Variants in PRKCH observed in about 807,000 individuals in gnomAD.
PRKCH encodes protein kinase C eta type.
Under a neutral mutation model 82.5 loss-of-function variants are expected in PRKCH, and 28 were observed. That is an observed-to-expected ratio of 0.34 (90% CI 0.25 to 0.47). The LOEUF (loss-of-function observed/expected upper bound fraction) is 0.47, where lower values mean the gene tolerates loss of function less well. PRKCH is among the 20% of genes least tolerant of loss of function. The pLI, the probability that PRKCH is intolerant of heterozygous loss-of-function variation, is 1.00. For missense variants in PRKCH, 705 were observed against 881.8 expected (o/e 0.80, Z 2.54); for synonymous variants, 322 against 327.4 (o/e 0.98, Z 0.18).
In PRKCH at chr14:61,280,089, G is replaced by A. The variant is rs2045242548; in HGVS notation, c.-19+92421G>A. The A allele has an allele frequency of 1.9e-6, 3 of 1,603,978 alleles. No individual in the cohort carries two copies. Among genetic ancestry groups the A allele is most frequent in the Non-Finnish European group, 2.6e-6 (3 of 1,174,968 alleles). The stretch of plus-strand genomic sequence containing the variant: ...AGCAGGAGGGATCCCTGGAAAGCCG[G>A]AATCACTCCTCGTCGTCGTCGTCCT... On this transcript the variant is annotated intron_variant, in intron 1 of 3. Transcript: ENST00000555185. The surrounding 1 kb of genome is among the most constrained non-coding windows in gnomAD (Gnocchi z 5.0).
At chr14:61,409,341 C>T (rs1882136511) in intron 2 of PRKCH, among the ~76,000 whole-genome samples, 1 of 152,152 alleles carries the variant, frequency 6.6e-6, no homozygotes, top group South Asian at 2.1e-4. Context: ...AACTCATCCC[C>T]TACTCTGGCC....
chr14:61,188,453 C>G (rs2044380818), intron 1 of PRKCH, among the ~76,000 whole-genome samples: 1 of 148,690 alleles, frequency 6.7e-6, no homozygotes, highest in Non-Finnish European at 1.5e-5. Context: ...GGTCGGGCTC[C>G]CAGGCAGCGG....
Position 61,530,392 on chromosome 14 carries a change from G to GA in PRKCH, c.1573-15_1573-14insA, listed in dbSNP as rs1399651708. The GA allele has an allele frequency of 6.6e-7, 1 of 1,513,664 alleles. No individual in the cohort carries two copies. The highest frequency in any genetic ancestry group is 8.9e-7 in the Non-Finnish European group (1 of 1,123,332). The allele number at this position is 1,513,664 out of a possible 1,614,324, so 93.8% of individuals were successfully genotyped here. On this transcript the variant is annotated splice_polypyrimidine_tract_variant and intron_variant, in intron 11 of 13. Coordinates refer to ENST00000332981, the MANE Select transcript of PRKCH (RefSeq NM_006255.5). The stretch of plus-strand genomic sequence containing the variant: ...GATGTATGAACCACCTTCTCACGCT[G>GA]CCCCCTTTGCACAGATCCTCCAGGA...
At chr14:61,324,246 C>T (rs1288196908) in intron 1 of PRKCH, among the ~76,000 whole-genome samples, 1 of 152,206 alleles carries the variant, frequency 6.6e-6, no homozygotes, top group African/African-American at 2.4e-5. Context: ...ATGTACAGAG[C>T]TGCTTATTGT....
chr14:61,505,564 G>A (rs956682669), intron 10 of PRKCH, among the ~76,000 whole-genome samples: 5 of 151,618 alleles, frequency 3.3e-5, no homozygotes, highest in African/African-American at 9.7e-5. Flanking sequence ...TAGTAGAGAT[G>A]GGGTTTCTGC....
intron 1 of PRKCH, among the ~76,000 whole-genome samples, chr14:61,308,047 C>A (rs926393993): frequency 6.6e-6 from 1 of 152,110 alleles, no homozygotes; most frequent in Non-Finnish European, 1.5e-5. Context: ...ACTATGTTGC[C>A]CAGGCTTGTC....
intron 1 of PRKCH, among the ~76,000 whole-genome samples, chr14:61,307,762 G>T (rs1307496569): frequency 6.6e-5 from 10 of 152,126 alleles, no homozygotes; most frequent in Non-Finnish European, 1.5e-4. Flanking sequence ...CCATATTTCT[G>T]TGTGATTATA....
At chr14:61,516,046 A>G (rs540107193) in intron 10 of PRKCH, among the ~76,000 whole-genome samples, 1 of 152,326 alleles carries the variant, frequency 6.6e-6, no homozygotes, top group African/African-American at 2.4e-5. Flanking sequence ...TAGTAAAACT[A>G]AAACTAAACT....
rs528663549 is a variant in PRKCH, at chr14:61,471,935, A to G, written c.1279-13567A>G. Among the ~76,000 whole-genome samples the G allele has an allele frequency of 6.2e-4, 94 of 152,336 alleles. 1 individual carries two copies. Among genetic ancestry groups the G allele is most frequent in the African/African-American group, 2.1e-3 (89 of 41,582 alleles). The stretch of plus-strand genomic sequence containing the variant: ...GATCACTTTTCTTTTTATAGAAGCC[A>G]AAGCCAAATGTGTCAGACCTTCTTT... On this transcript the variant is annotated intron_variant, in intron 9 of 13. Coordinates refer to ENST00000332981, the MANE Select transcript of PRKCH (RefSeq NM_006255.5).
At chr14:61,377,974 T>C (rs1335417175) in intron 1 of PRKCH, among the ~76,000 whole-genome samples, 1 of 152,212 alleles carries the variant, frequency 6.6e-6, no homozygotes, top group Non-Finnish European at 1.5e-5. Flanking sequence ...GGTGTAGCTC[T>C]TTCTGTGTTT....
At chr14:61,241,580 C>T (rs2044837467) in intron 1 of PRKCH, among the ~76,000 whole-genome samples, 1 of 28,522 alleles carries the variant, frequency 3.5e-5, no homozygotes, top group South Asian at 3.9e-3. Flanking sequence ...AGTCCTAGGC[C>T]AGAAAATAGG....
At position 61,445,694 on chromosome 14, in the gene PRKCH, G is replaced by A. The variant is rs760935968; in HGVS notation, c.581G>A (p.Gly194Glu). Reference protein sequence around the residue: ...YCSHCREFIWGVFGKQGYQCQ... With the variant: ...YCSHCREFIWEVFGKQGYQCQ... ...GGTAGTTTTCTTCTCTTCAACAGGG[G>A]AGTGTTTGGGAAACAGGGTTATCAG... is the stretch of plus-strand genomic sequence containing the variant. The change falls in exon 4 of 14, where the codon GGA becomes GAA. Residue 194 changes from glycine to glutamate, a missense_variant and splice_region_variant. By Grantham distance (98) the Gly-to-Glu change is moderately conservative. Around this residue, in one of 5 missense-constraint regions of PRKCH, gnomAD observed 246 missense variants for 308.0 expected, o/e 0.80. Transcript: ENST00000332981. 1 of 1,609,396 alleles carries A rather than the reference G, an allele frequency of 6.2e-7. No individual in the cohort carries two copies. Among genetic ancestry groups the A allele is most frequent in the Non-Finnish European group, 8.5e-7 (1 of 1,175,824 alleles).
In PRKCH at chr14:61,280,105, T is replaced by G; in HGVS notation, c.-19+92437T>G. 1 of 1,610,890 alleles carries G rather than the reference T, an allele frequency of 6.2e-7. No individual in the cohort carries two copies. On this transcript the variant is annotated intron_variant, in intron 1 of 3. Coordinates refer to the PRKCH transcript ENST00000555185. The surrounding 1 kb of genome is among the most constrained non-coding windows in gnomAD (Gnocchi z 5.0). Reference sequence around the variant, plus strand: ...GGAAAGCCGGAATCACTCCTCGTCGTCGTCGTCCTGGTCCTGGTAGCGAAT... The same window carrying G: ...GGAAAGCCGGAATCACTCCTCGTCGGCGTCGTCCTGGTCCTGGTAGCGAAT...
chr14:61,321,538 C>T (rs2045622229), upstream of PRKCH, among the ~76,000 whole-genome samples: 1 of 152,160 alleles, frequency 6.6e-6, no homozygotes, highest in Non-Finnish European at 1.5e-5. This position sits in a 1 kb window ranked among gnomAD's most constrained non-coding sequence, Gnocchi z 4.1. Flanking sequence ...CGGGCCACGC[C>T]CCTGGGGTCC....
At chr14:61,544,864 C>T (rs750416325) in intron 12 of PRKCH, among the ~76,000 whole-genome samples, 2 of 152,176 alleles carry the variant, frequency 1.3e-5, no homozygotes, top group African/African-American at 2.4e-5. Flanking sequence ...CTCCCATTCC[C>T]GGCAGTTAGT....
At chr14:61,245,793 T>A (rs556524704) in intron 1 of PRKCH, among the ~76,000 whole-genome samples, 119 of 152,230 alleles carry the variant, frequency 7.8e-4, no homozygotes, top group Non-Finnish European at 1.5e-3. Flanking sequence ...GGTTCATTAG[T>A]ATCCAAAACC....
At chr14:61,447,929 A>C (rs1273593842) in intron 4 of PRKCH, among the ~76,000 whole-genome samples, 1 of 152,218 alleles carries the variant, frequency 6.6e-6, no homozygotes, top group Non-Finnish European at 1.5e-5. Flanking sequence ...GCATAAGAAA[A>C]GAAATAATAC....
chr14:61,461,754 C>T (rs1885037269), intron 9 of PRKCH, among the ~76,000 whole-genome samples: 2 of 152,280 alleles, frequency 1.3e-5, no homozygotes, highest in South Asian at 4.1e-4. Flanking sequence ...GAGGAAGTAA[C>T]CTGGAACAGA....
chr14:61,286,274 A>C (rs2045313016), intron 1 of PRKCH, among the ~76,000 whole-genome samples: 1 of 152,230 alleles, frequency 6.6e-6, no homozygotes, highest in Admixed American at 6.5e-5. Flanking sequence ...AAAAGTTTTA[A>C]AAAAATTCTT....
Sources: gnomAD v4.1 joint callset for allele counts (sites outside exome capture counted in the v4.1 genomes callset) on GRCh38, gnomAD v4.1.1 for gene constraint, gnomAD v4.1.1 regional missense constraint, Gnocchi (gnomAD v3.1) non-coding constraint, MANE v1.5 for transcripts, NCBI Gene and HGNC (gene_info 2026-07-23, HGNC 2026-07-21) for gene names.